The following MARK2 variants were observed in gnomAD, a reference collection of about 807,000 sequenced individuals.
MARK2 encodes the protein serine/threonine-protein kinase MARK2.
Under a neutral mutation model 89.8 loss-of-function variants are expected in MARK2, and 16 were observed. The ratio of observed to expected loss-of-function variants is 0.18; its 90% CI spans 0.12 to 0.27. The LOEUF (loss-of-function observed/expected upper bound fraction) is 0.27. MARK2 is among the 10% of genes least tolerant of loss of function. The probability of loss-of-function intolerance (pLI) is 1.00; values close to 1 mark genes in which losing one functional copy is unlikely to be tolerated. For missense variants in MARK2, 621 were observed against 1,049.9 expected (o/e 0.59, Z 5.65); for synonymous variants, 382 against 399.5 (o/e 0.96, Z 0.52).
At chr11:63,908,204 C>T (rs913776564) in intron 17 of MARK2, 56 bp from the exon 18 acceptor site, 2 of 1,483,122 alleles carry the variant, frequency 1.3e-6, no homozygotes, top group East Asian at 2.5e-5. Context: ...GGGTCTGTGG[C>T]GGCGGAAGGA....
intron 3 of MARK2, among the ~76,000 whole-genome samples, chr11:63,897,013 G>A (rs745923263): frequency 2.6e-5 from 4 of 152,134 alleles, no homozygotes; most frequent in Non-Finnish European, 5.9e-5. Context: ...AACCTTTTGA[G>A]ACTCTTTGTT....
At chr11:63,850,342 G>GTTTT (rs1382022541) in intron 1 of MARK2, among the ~76,000 whole-genome samples, 2 of 120,758 alleles carry the variant, frequency 1.7e-5, no homozygotes, top group Admixed American at 9.1e-5. Flanking sequence ...TTTTTTTTTG[G>GTTTT]ATTTTTAGTA....
rs893524705 is a variant in MARK2 at position 63,909,064 on chromosome 11, A to G, written c.2194A>G (p.Met732Val). The change falls in exon 19 of 19, where the codon ATG (methionine) becomes GTG (valine). Residue 732 changes from methionine to valine, a missense_variant. Physicochemically the swap from Met to Val is conservative, Grantham distance 21. This residue lies in a region of MARK2 where 49 missense variants were observed against 46.7 expected (regional missense o/e 1.05). Coordinates refer to ENST00000402010, the MANE Select transcript of MARK2 (RefSeq NM_001039469.3). Reference protein sequence around the residue: ...SCQSELHEKYMLLCMHGTPGH... With the variant: ...SCQSELHEKYVLLCMHGTPGH... ...CCAGAGCGAGCTGCATGAGAAGTAC[A>G]TGCTGCTGTGCATGCACGGCACGCC... 112 of 1,611,448 alleles carry G rather than the reference A, an allele frequency of 7.0e-5. No individual in the cohort carries two copies. The highest frequency in any genetic ancestry group is 9.4e-5 in the Non-Finnish European group (111 of 1,178,002).
At chr11:63,848,909 A>G (rs1012459894) in intron 1 of MARK2, among the ~76,000 whole-genome samples, 2 of 151,586 alleles carry the variant, frequency 1.3e-5, no homozygotes. Flanking sequence ...GGATTTCACC[A>G]TGTTGGCCAG....
chr11:63,889,190 G>A (rs759277637), intron 1 of MARK2, among the ~76,000 whole-genome samples: 50 of 152,118 alleles, frequency 3.3e-4, no homozygotes, highest in Non-Finnish European at 5.9e-4. Flanking sequence ...ACAAGTGGGC[G>A]AGGAGGGGCT....
At position 63,877,195 on chromosome 11, in the gene MARK2, G is replaced by A. The variant is rs902200151; in HGVS notation, c.55-17964G>A. Among the ~76,000 whole-genome samples, 16 of 134,052 alleles carry A rather than the reference G, an allele frequency of 1.2e-4. No homozygotes were observed. In the South Asian group the frequency reaches 1.5e-3, roughly 12 times the overall value. 87.9% of individuals were successfully genotyped at this position (134,052 alleles called of 152,430 possible). On this transcript the variant is annotated intron_variant, in intron 1 of 18. Coordinates refer to ENST00000402010, the MANE Select transcript of MARK2 (RefSeq NM_001039469.3). ...CATGATTTCGGCTCACTGCAGCCTCGACCTCCCCAGGCACAGGTGATCCTC... is the reference window on the plus strand; with the variant it reads ...CATGATTTCGGCTCACTGCAGCCTCAACCTCCCCAGGCACAGGTGATCCTC...
chr11:63,898,115 T>G (rs1272009707), intron 3 of MARK2, 117 bp from the exon 4 acceptor site: 2 of 821,264 alleles, frequency 2.4e-6, no homozygotes, highest in African/African-American at 3.4e-5. Context: ...CCACCCTATT[T>G]TCTTTTCCCT....
At chr11:63,848,473 C>T (rs1017058247) in intron 1 of MARK2, among the ~76,000 whole-genome samples, 1 of 152,042 alleles carries the variant, frequency 6.6e-6, no homozygotes, top group East Asian at 1.9e-4. Context: ...GCAACCTCCG[C>T]TTCCCAGGTT....
chr11:63,860,325 G>A (rs547591414), intron 1 of MARK2, among the ~76,000 whole-genome samples: 20 of 152,116 alleles, frequency 1.3e-4, no homozygotes, highest in African/African-American at 4.3e-4. Context: ...AGGCTGAGGC[G>A]GGTGGATCAC....
At chr11:63,845,825 C>T (rs189423474) in intron 1 of MARK2, among the ~76,000 whole-genome samples, 19 of 152,070 alleles carry the variant, frequency 1.2e-4, no homozygotes, top group Non-Finnish European at 2.1e-4. Context: ...TGGGTTCAAG[C>T]GATTCTCATG....
At chr11:63,862,033 C>T (rs1307811878) in intron 1 of MARK2, among the ~76,000 whole-genome samples, 1 of 151,276 alleles carries the variant, frequency 6.6e-6, no homozygotes, top group Admixed American at 6.6e-5. Flanking sequence ...AAGCAATTCT[C>T]CTGCCTCTGC....
At chr11:63,867,145 G>C (rs1181800641) in intron 1 of MARK2, among the ~76,000 whole-genome samples, 6 of 152,168 alleles carry the variant, frequency 3.9e-5, no homozygotes, top group Non-Finnish European at 8.8e-5. Context: ...CCCAACCTTA[G>C]CCTCCTGAGT....
chr11:63,877,805 A>G (rs1238779736), intron 1 of MARK2, among the ~76,000 whole-genome samples: 2 of 152,234 alleles, frequency 1.3e-5, no homozygotes, highest in Non-Finnish European at 2.9e-5. Context: ...CCCTTGGAGC[A>G]AAATTGTCAT....
intron 6 of MARK2, 81 bp from the exon 7 acceptor site, chr11:63,898,970 TA>T: frequency 8.1e-7 from 1 of 1,239,894 alleles, no homozygotes; most frequent in Non-Finnish European, 1.2e-6. Context: ...AGGTTAGCAC[TA>T]AGTCACAGGG....
intron 1 of MARK2, among the ~76,000 whole-genome samples, chr11:63,855,849 T>G (rs1243703010): frequency 3.3e-5 from 5 of 152,244 alleles, no homozygotes; most frequent in African/African-American, 1.2e-4. Context: ...TGTAAAGCAC[T>G]GCTACTCTTG....
In MARK2 at chr11:63,908,311, G is replaced by T; in HGVS notation, c.2006+7G>T. ...ACCGAGTGGAGACGCTCAGGTGAGA[G>T]GGCTGGAGCCAGCACTGGCCCTGCC... On this transcript the variant is annotated splice_region_variant and intron_variant, in intron 18 of 18. Transcript: ENST00000402010. 1 of 1,560,008 alleles carries T rather than the reference G, an allele frequency of 6.4e-7. No homozygotes were observed.
chr11:63,846,615 G>T (rs2016290529), intron 1 of MARK2, among the ~76,000 whole-genome samples: 1 of 149,806 alleles, frequency 6.7e-6, no homozygotes, highest in Non-Finnish European at 1.5e-5. Flanking sequence ...CTCCCAAAGT[G>T]CTAGGATTAT....
chr11:63,882,109 A>G (rs1416479860), intron 1 of MARK2, among the ~76,000 whole-genome samples: 1 of 152,186 alleles, frequency 6.6e-6, no homozygotes, highest in Non-Finnish European at 1.5e-5. Context: ...GAAGGCGCAT[A>G]GGATAGATGA....
chr11:63,889,088 T>C (rs767375135), intron 1 of MARK2: 9 of 630,290 alleles, frequency 1.4e-5, no homozygotes, highest in East Asian at 6.5e-5. Flanking sequence ...GTAATATTCA[T>C]GGGAAGGGTG....
Sources: allele counts gnomAD v4.1 joint callset (sites outside exome capture counted in the v4.1 genomes callset), GRCh38; gene constraint gnomAD v4.1.1; regional missense constraint gnomAD v4.1.1; transcripts MANE v1.5; gene names NCBI Gene and HGNC (gene_info 2026-07-23, HGNC 2026-07-21).